The following PPP2R5E variants were observed in gnomAD, a reference collection of about 807,000 sequenced individuals.
PPP2R5E encodes the protein protein phosphatase 2 regulatory subunit B'epsilon.
PPP2R5E carries 4 observed loss-of-function variants against 65.3 expected under a neutral mutation model. The ratio of observed to expected loss-of-function variants is 0.06; its 90% CI spans 0.03 to 0.14. The LOEUF (loss-of-function observed/expected upper bound fraction) is 0.14. Ranked by LOEUF, PPP2R5E falls within the 10% of genes least tolerant of loss-of-function variation. The probability of loss-of-function intolerance (pLI) is 1.00; values close to 1 mark genes in which losing one functional copy is unlikely to be tolerated. For synonymous variants in PPP2R5E, 183 were observed against 187.4 expected (o/e 0.98, Z 0.19); for missense variants, 274 against 556.1 (o/e 0.49, Z 5.10).
At chr14:63,507,480 A>T (rs1222817377) in intron 2 of PPP2R5E, among the ~76,000 whole-genome samples, 1 of 152,148 alleles carries the variant, frequency 6.6e-6, no homozygotes, top group African/African-American at 2.4e-5. Context: ...TTAGAACGAA[A>T]AGAAACAAAT....
At chr14:63,464,372 AT>A (rs1889669331) in intron 2 of PPP2R5E, among the ~76,000 whole-genome samples, 1 of 152,188 alleles carries the variant, frequency 6.6e-6, no homozygotes, top group Non-Finnish European at 1.5e-5. Flanking sequence ...GGAAGATGAC[AT>A]TTGAGCAAAT....
chr14:63,442,628 T>C (rs1235325559), intron 3 of PPP2R5E, among the ~76,000 whole-genome samples: 1 of 152,224 alleles, frequency 6.6e-6, no homozygotes, highest in African/African-American at 2.4e-5. Flanking sequence ...ACGTAACTTT[T>C]ACTACAGTAT....
intron 3 of PPP2R5E, among the ~76,000 whole-genome samples, chr14:63,424,741 G>T (rs2139896948): frequency 6.8e-6 from 1 of 148,118 alleles, no homozygotes; most frequent in African/African-American, 2.5e-5. Context: ...ACAGAGCCAG[G>T]CTCCATCTCA....
intron 3 of PPP2R5E, among the ~76,000 whole-genome samples, chr14:63,430,369 A>ACATACATACATGCATG (rs1887581648): frequency 7.4e-6 from 1 of 135,038 alleles, no homozygotes; most frequent in African/African-American, 3.1e-5. Context: ...ATACATACAT[A>ACATACATACATGCATG]CATGCATGCA....
intron 2 of PPP2R5E, among the ~76,000 whole-genome samples, chr14:63,527,501 T>C (rs954463279): frequency 6.6e-6 from 1 of 152,246 alleles, no homozygotes; most frequent in Non-Finnish European, 1.5e-5. Context: ...CCTATAATTA[T>C]AGTAGTTAAT....
intron 3 of PPP2R5E, among the ~76,000 whole-genome samples, chr14:63,423,043 T>C (rs1887128629): frequency 6.6e-6 from 1 of 152,262 alleles, no homozygotes. Flanking sequence ...AACTGGGTGA[T>C]GAAGAGATAA....
Position 63,518,163 on chromosome 14 carries a change from ACTCCTGGCCTTAAGCAATC to A in PPP2R5E, c.157+21347_157+21365del, listed in dbSNP as rs1594962800. Reference sequence around the variant, plus strand: ...CAATCACAGCTCACTGCAGCCTCGAACTCCTGGCCTTAAGCAATCCTCCTGCCTCAGTCTCCCAAAGCAC... The same window carrying A: ...CAATCACAGCTCACTGCAGCCTCGAACTCCTGCCTCAGTCTCCCAAAGCAC... On this transcript the variant is annotated intron_variant, in intron 2 of 13. Transcript: ENST00000337537. 4.6e-5 allele frequency among the ~76,000 whole-genome samples: 7 copies of A among 152,170 alleles called. 1 individual carries two copies.
chr14:63,389,819 T>C, intron 10 of PPP2R5E, 88 bp from the exon 11 acceptor site: 1 of 1,347,280 alleles, frequency 7.4e-7, no homozygotes, highest in South Asian at 1.8e-5. Context: ...GTTTGGATTA[T>C]TTTAAGAAAA....
intron 13 of PPP2R5E, among the ~76,000 whole-genome samples, chr14:63,376,965 T>C (rs1018555947): frequency 2.6e-5 from 4 of 151,936 alleles, no homozygotes; most frequent in Non-Finnish European, 4.4e-5. Context: ...AGACCCCGTC[T>C]CTACTAAAAA....
intron 2 of PPP2R5E, among the ~76,000 whole-genome samples, chr14:63,463,759 GCTA>G (rs1445285378): frequency 1.3e-5 from 2 of 151,822 alleles, no homozygotes; most frequent in Non-Finnish European, 2.9e-5. Context: ...ACCATGCCCG[GCTA>G]CTTTTTTGTA....
chr14:63,466,273 C>CAAAA (rs550383242), intron 2 of PPP2R5E, among the ~76,000 whole-genome samples: 7 of 118,272 alleles, frequency 5.9e-5, no homozygotes, highest in East Asian at 2.5e-4. Context: ...TTTAAAAATA[C>CAAAA]AAAAAAAAAA....
intron 5 of PPP2R5E, among the ~76,000 whole-genome samples, chr14:63,414,359 ATTC>A (rs1488368698): frequency 6.6e-6 from 1 of 152,138 alleles, no homozygotes; most frequent in Non-Finnish European, 1.5e-5. Flanking sequence ...TAAATTTGAA[ATTC>A]TTCTTACCGG....
At chr14:63,454,604 C>G (rs1889020246) in intron 2 of PPP2R5E, among the ~76,000 whole-genome samples, 2 of 152,326 alleles carry the variant, frequency 1.3e-5, no homozygotes, top group South Asian at 2.1e-4. Flanking sequence ...TTCCCGCAAA[C>G]AGCAGGTCAG....
At chr14:63,440,783 C>CAAAAAAAAAAAAAAAAAA (rs763718989) in intron 3 of PPP2R5E, among the ~76,000 whole-genome samples, 1 of 108,818 alleles carries the variant, frequency 9.2e-6, no homozygotes, top group African/African-American at 3.7e-5. Flanking sequence ...CTAAAAAATA[C>CAAAAAAAAAAAAAAAAAA]AAAAAAAAAA....
rs182129298 is a variant in PPP2R5E, at chr14:63,381,535, G to C, written c.1304+521C>G. On this transcript the variant is annotated intron_variant, in intron 13 of 13. Coordinates refer to ENST00000337537, the MANE Select transcript of PPP2R5E (RefSeq NM_006246.5). ...ATTATTAAAGAAAGGAAAGAAAGCGGGCTTTATCAAAATGAGTGTCAGGAA... is the reference window on the plus strand; with the variant it reads ...ATTATTAAAGAAAGGAAAGAAAGCGCGCTTTATCAAAATGAGTGTCAGGAA... Among the ~76,000 whole-genome samples, 4 of 19,212 alleles carry C rather than the reference G, an allele frequency of 2.1e-4. No individual in the cohort carries two copies. The East Asian group carries it at 5.2e-3, about 25-fold the overall frequency. 12.6% of individuals were successfully genotyped at this position (19,212 alleles called of 152,430 possible).
chr14:63,462,994 C>A (rs186420521), intron 2 of PPP2R5E, among the ~76,000 whole-genome samples: 48,638 of 147,944 alleles, frequency 0.33, 10,595 homozygotes, highest in African/African-American at 0.62. Context: ...CCCAGCTACC[C>A]GGGAGGCTGA....
intron 2 of PPP2R5E, among the ~76,000 whole-genome samples, chr14:63,499,640 T>A (rs1438455098): frequency 2.0e-5 from 3 of 151,068 alleles, no homozygotes; most frequent in African/African-American, 7.3e-5. Flanking sequence ...AGCAGGAGAA[T>A]CACTTGGACC....
Position 63,403,964 on chromosome 14 carries a change from T to C in PPP2R5E, c.550-7248A>G, listed in dbSNP as rs560715382. On this transcript the variant is annotated intron_variant, in intron 5 of 13. Transcript: ENST00000337537. Reference sequence around the variant, plus strand: ...ATAATGGCTTACAGTAGGAAGTCAATAGACATAAATAAAATCTAAAATCAC... The same window carrying C: ...ATAATGGCTTACAGTAGGAAGTCAACAGACATAAATAAAATCTAAAATCAC... 7.9e-5 allele frequency among the ~76,000 whole-genome samples: 12 copies of C among 152,228 alleles called. No homozygotes were observed. In the South Asian group the frequency reaches 1.0e-3, roughly 13 times the overall value.
intron 2 of PPP2R5E, among the ~76,000 whole-genome samples, chr14:63,500,693 C>T (rs1054026299): frequency 3.9e-5 from 6 of 151,962 alleles, no homozygotes; most frequent in Non-Finnish European, 8.8e-5. Context: ...AGCAAGACTG[C>T]CGTCTCTACA....
Sources: allele counts gnomAD v4.1 joint callset (sites outside exome capture counted in the v4.1 genomes callset), GRCh38; gene constraint gnomAD v4.1.1; transcripts MANE v1.5; gene names NCBI Gene and HGNC (gene_info 2026-07-23, HGNC 2026-07-21).